The following CR1 variants were observed in gnomAD, a reference collection of about 807,000 sequenced individuals.
CR1 encodes complement receptor type 1.
CR1 carries 116 observed loss-of-function variants against 187.3 expected under a neutral mutation model. The ratio of observed to expected loss-of-function variants is 0.62; its 90% confidence interval spans 0.53 to 0.72. The LOEUF (loss-of-function observed/expected upper bound fraction) is 0.72. CR1 is among the 30% of genes least tolerant of loss of function. CR1 has a pLI of 0.00. For missense variants in CR1, 1,731 were observed against 2,110.7 expected, an observed-to-expected ratio of 0.82 and a Z score of 3.52; for synonymous variants, 576 against 747.1, an observed-to-expected ratio of 0.77 and a Z score of 3.73.
intron 35 of CR1, among the ~76,000 whole-genome samples, chr1:207,600,196 C>T (rs912034563): frequency 1.3e-5 from 2 of 152,128 alleles, no homozygotes; most frequent in African/African-American, 2.4e-5. Flanking sequence ...GTGACAATCT[C>T]CGGTTAGATG....
At position 207,607,288 on chromosome 1, in the gene CR1, G is replaced by A. The variant is rs749631959; in HGVS notation, c.5848G>A (p.Val1950Ile). 4.3e-6 allele frequency: 7 copies of A among 1,613,460 alleles called. No individual in the cohort carries two copies. Among genetic ancestry groups the A allele is most frequent in the Admixed American group, 3.3e-5 (2 of 60,006 alleles). ...TGGTTCCCCATCTACTACTTGTCTC[G>A]TCTCAGGCAATAATGTCACATGGGA... Reference protein sequence around the residue: ...LIGSPSTTCLVSGNNVTWDKK... With the variant: ...LIGSPSTTCLISGNNVTWDKK... Residue 1950 changes from valine to isoleucine, a missense_variant, in exon 36 of 47, where the codon GTC becomes ATC. Physicochemically the swap from Val to Ile is conservative, Grantham distance 29. Coordinates refer to ENST00000367049, the MANE Select transcript of CR1 (RefSeq NM_000651.6).
At chr1:207,614,357 G>A (rs1662030560) in intron 39 of CR1, 47 bp from the exon 40 acceptor site, 1 of 1,434,352 alleles carries the variant, frequency 7.0e-7, no homozygotes, top group African/African-American at 1.4e-5. Context: ...AATCAAGGGA[G>A]AGATGGGAAT....
chr1:207,617,604 TATATATATAGAGAGAGAGAGAGAGAG>T (rs1319350746), intron 41 of CR1, among the ~76,000 whole-genome samples: 308 of 22,056 alleles, frequency 0.014, 2 homozygotes, highest in Middle Eastern at 0.048. Context: ...TATATATATA[TATATATATAGAGAGAGAGAGAGAGAG>T]AGAGAGAGAG....
At chr1:207,573,383 T>C (rs1180613403) in intron 27 of CR1, among the ~76,000 whole-genome samples, 2 of 152,208 alleles carry the variant, frequency 1.3e-5, no homozygotes, top group Non-Finnish European at 1.5e-5. Flanking sequence ...TGTCTCCTTT[T>C]CTCTCTTTTT....
intron 2 of CR1, among the ~76,000 whole-genome samples, 173 bp from the exon 3 acceptor site, chr1:207,506,541 A>G (rs1659439078): frequency 6.6e-6 from 1 of 152,174 alleles, no homozygotes; most frequent in African/African-American, 2.4e-5. Context: ...TTTTTTTTGA[A>G]AGGGAGCTGA....
Position 207,587,540 on chromosome 1 carries a change from G to T in CR1, c.5685G>T (p.Trp1895Cys). Residue 1895 changes from tryptophan to cysteine, a missense_variant, in exon 34 of 47, where the codon TGG becomes TGT. Around this residue, in one of 5 missense-constraint regions of CR1, gnomAD observed 1,312 missense variants for 1,379.6 expected, o/e 0.95. Transcript: ENST00000367049. ...TCTCCTGCCTAGAAAACTTGGTCTG[G>T]TCAAGTGTTGAAGACAACTGTAGAC... ...FSISCLENLV[W>C]SSVEDNCRRK... 1 of 1,613,866 alleles carries T rather than the reference G, an allele frequency of 6.2e-7. No homozygotes were observed. Among genetic ancestry groups the T allele is most frequent in the Non-Finnish European group, 8.5e-7 (1 of 1,179,782 alleles).
intron 29 of CR1, 63 bp downstream of exon 29, chr1:207,578,266 A>G: frequency 6.2e-7 from 1 of 1,611,464 alleles, no homozygotes; most frequent in Non-Finnish European, 8.5e-7. Flanking sequence ...GGATCAGGAG[A>G]TGAGTATTTG....
At position 207,609,314 on chromosome 1, in the gene CR1, C is replaced by T. The variant is rs1661841163; in HGVS notation, c.5921C>T (p.Thr1974Ile). ...CEIISCEPPP[T>I]ISNGDFYSNN... is the part of the protein sequence containing the mutation. Reference sequence around the variant, plus strand: ...GTCATATCTTGTGAGCCACCTCCAACCATATCCAATGGAGACTTCTACAGC... The same window carrying T: ...GTCATATCTTGTGAGCCACCTCCAATCATATCCAATGGAGACTTCTACAGC... Residue 1974 changes from threonine (T) to isoleucine (I), a missense_variant, in exon 37 of 47, where the codon ACC becomes ATC. Around this residue, in one of 5 missense-constraint regions of CR1, gnomAD observed 1,312 missense variants for 1,379.6 expected, o/e 0.95. Coordinates refer to ENST00000367049, the MANE Select transcript of CR1 (RefSeq NM_000651.6). 1.2e-6 allele frequency: 2 copies of T among 1,613,440 alleles called. No homozygotes were observed. The highest frequency in any genetic ancestry group is 1.3e-5 in the African/African-American group (1 of 74,926).
At chr1:207,580,457 C>T in intron 30 of CR1, 41 bp downstream of exon 30, 1 of 1,608,020 alleles carries the variant, frequency 6.2e-7, no homozygotes. Context: ...CTCTTTACCC[C>T]ACACATGGAG....
chr1:207,511,685 T>C (rs773000784), intron 4 of CR1, 31 bp downstream of exon 4: 1 of 1,588,262 alleles, frequency 6.3e-7, no homozygotes, highest in Admixed American at 1.7e-5. Context: ...CTATTTCTTT[T>C]ACCGACACAT....
At chr1:207,510,223 C>T (rs1659570224) in intron 3 of CR1, among the ~76,000 whole-genome samples, 1 of 151,938 alleles carries the variant, frequency 6.6e-6, no homozygotes, top group Non-Finnish European at 1.5e-5. Context: ...AAAAGAACAA[C>T]AACAACAGCA....
intron 25 of CR1, 96 bp downstream of exon 25, chr1:207,568,138 T>G: frequency 6.3e-7 from 1 of 1,597,250 alleles, no homozygotes; most frequent in Non-Finnish European, 8.5e-7. Context: ...TATTTGTATG[T>G]ATGCATTTGC....
intron 4 of CR1, among the ~76,000 whole-genome samples, chr1:207,521,663 C>T (rs1659998790): frequency 9.4e-6 from 1 of 106,676 alleles, no homozygotes; most frequent in Non-Finnish European, 1.8e-5. Flanking sequence ...GACAGGGTCT[C>T]ACTTTGTTGC....
chr1:207,611,385 T>C (rs1161080411), intron 37 of CR1, among the ~76,000 whole-genome samples: 2 of 152,196 alleles, frequency 1.3e-5, no homozygotes, highest in Non-Finnish European at 2.9e-5. Context: ...CACGACTCTG[T>C]GCTCCATAAC....
Position 207,630,631 on chromosome 1 carries a change from T to C in CR1, c.7457+10T>C, listed in dbSNP as rs370787413. ...ATGAAGAAAATAGCAGGTACCTATA[T>C]ACATACTGAATTCAAAATGTTTTCA... is the stretch of plus-strand genomic sequence containing the variant. On this transcript the variant is annotated intron_variant, in intron 46 of 46. Coordinates refer to ENST00000367049, the MANE Select transcript of CR1 (RefSeq NM_000651.6). 5 of 1,532,872 alleles carry C rather than the reference T, an allele frequency of 3.3e-6. No homozygotes were observed. The highest frequency in any genetic ancestry group is 1.4e-5 in the African/African-American group (1 of 71,816). 95.0% of individuals were successfully genotyped at this position (1,532,872 alleles called of 1,614,324 possible).
intron 42 of CR1, among the ~76,000 whole-genome samples, chr1:207,619,483 T>G (rs1222951645): frequency 1.3e-5 from 2 of 152,152 alleles, no homozygotes; most frequent in Non-Finnish European, 2.9e-5. Flanking sequence ...TGGCCAGAAT[T>G]ATGCATTTAA....
chr1:207,599,784 T>C (rs901866271), intron 35 of CR1, among the ~76,000 whole-genome samples: 2 of 152,226 alleles, frequency 1.3e-5, no homozygotes, highest in Non-Finnish European at 2.9e-5. Context: ...AGATATCCTA[T>C]ACACATATGT....
chr1:207,516,963 C>G (rs1458007534), intron 4 of CR1, among the ~76,000 whole-genome samples: 4 of 151,988 alleles, frequency 2.6e-5, no homozygotes, highest in Admixed American at 2.6e-4. Flanking sequence ...TGGCTAGAAC[C>G]TCCAGTACAA....
intron 5 of CR1, among the ~76,000 whole-genome samples, chr1:207,524,620 T>A (rs1220587955): frequency 1.3e-5 from 2 of 151,970 alleles, no homozygotes; most frequent in South Asian, 2.1e-4. Flanking sequence ...ACTCCTCAGC[T>A]CAAGCAATTC....
Sources: allele counts gnomAD v4.1 joint callset (sites outside exome capture counted in the v4.1 genomes callset), GRCh38; gene constraint gnomAD v4.1.1; regional missense constraint gnomAD v4.1.1; transcripts MANE v1.5; gene names NCBI Gene and HGNC (gene_info 2026-07-23, HGNC 2026-07-21).